SIK3: variants seen among roughly 807,000 people sequenced by gnomAD.
SIK3 encodes the protein SIK family kinase 3.
SIK3 carries 28 observed loss-of-function variants against 144.2 expected under a neutral mutation model. The observed-to-expected ratio is 0.19, with a 90% confidence interval of 0.14 to 0.27. SIK3 has a LOEUF of 0.27. SIK3 is among the 10% of genes least tolerant of loss of function. SIK3 has a pLI of 1.00. For synonymous variants in SIK3, 686 were observed against 676.3 expected, an observed-to-expected ratio of 1.01 and a Z score of -0.22; for missense variants, 1,319 against 1,776.0, an observed-to-expected ratio of 0.74 and a Z score of 4.62.
At chr11:116,934,988 G>A (rs1012847427) in intron 3 of SIK3, among the ~76,000 whole-genome samples, 1 of 152,220 alleles carries the variant, frequency 6.6e-6, no homozygotes, top group Non-Finnish European at 1.5e-5. Context: ...GGGAGGCTGA[G>A]GCAGGAGAAT....
Position 116,844,739 on chromosome 11 carries a change from C to G in SIK3, c.*904G>C, listed in dbSNP as rs1177190788. The G allele has an allele frequency of 1.4e-5, 2 of 145,258 alleles. No individual in the cohort carries two copies. The highest frequency in any genetic ancestry group is 5.0e-5 in the African/African-American group (2 of 39,678). 9.0% of individuals were successfully genotyped at this position (145,258 alleles called of 1,614,324 possible). A position where few individuals can be genotyped will look rare whatever the true frequency, so the allele number is the denominator to read the frequency against. ...TGGAGAAACAATCCTTTTTATAGCA[C>G]AATATAAAATGAGAATGAAAGATGC... is the stretch of plus-strand genomic sequence containing the variant. On this transcript the variant is annotated 3_prime_UTR_variant, in exon 25 of 25. Transcript: ENST00000445177.
intron 6 of SIK3, 31 bp downstream of exon 6, chr11:116,896,222 A>C (rs201410873): frequency 4.9e-5 from 79 of 1,611,566 alleles, no homozygotes; most frequent in Non-Finnish European, 1.1e-5. Context: ...TCATGAACCC[A>C]TTCATAGCTG....
At position 117,098,348 on chromosome 11, in the gene SIK3, G is replaced by A. The variant is rs1255224070; in HGVS notation, c.68C>T (p.Ala23Val). 4.3e-6 allele frequency: 5 copies of A among 1,151,120 alleles called. No individual in the cohort carries two copies. Among genetic ancestry groups the A allele is most frequent in the South Asian group, 4.2e-5 (1 of 23,902 alleles). The allele number at this position is 1,151,120 out of a possible 1,614,324, so 71.3% of individuals were successfully genotyped here. A position where few individuals can be genotyped will look rare whatever the true frequency, so the allele number is the denominator to read the frequency against. Residue 23 changes from alanine (A) to valine (V), a missense_variant, in exon 1 of 25, where the codon GCG becomes GTG. Around this residue, in one of 8 missense-constraint regions of SIK3, gnomAD observed 114 missense variants for 116.2 expected, o/e 0.98. Coordinates refer to ENST00000445177, the MANE Select transcript of SIK3 (RefSeq NM_001366686.3). The part of the protein sequence containing the change: ...AGAGTGGAGP[A>V]GRLLPPPAPG... ...CGCGGGCGGAGGCAGCAGGCGGCCC[G>A]CGGGCCCGGCTCCCCCAGTCCCGGC...
At chr11:117,016,251 A>C (rs1193695211) in intron 1 of SIK3, among the ~76,000 whole-genome samples, 1 of 149,880 alleles carries the variant, frequency 6.7e-6, no homozygotes, top group Non-Finnish European at 1.5e-5. Flanking sequence ...GCTCGAACCC[A>C]GGAGGCGGCC....
At chr11:116,848,192 A>G (rs1288853424) in intron 22 of SIK3, among the ~76,000 whole-genome samples, 5 of 77,296 alleles carry the variant, frequency 6.5e-5, no homozygotes, top group Non-Finnish European at 1.5e-4. Context: ...ATTTAGCTCT[A>G]CTAAAAATAC....
chr11:116,913,854 C>T (rs536432361), intron 4 of SIK3, among the ~76,000 whole-genome samples: 6 of 152,182 alleles, frequency 3.9e-5, no homozygotes, highest in African/African-American at 1.4e-4. Flanking sequence ...CGGGCCACTG[C>T]ACTCCAGCCT....
intron 3 of SIK3, among the ~76,000 whole-genome samples, chr11:116,932,075 T>C (rs954681434): frequency 1.3e-5 from 2 of 152,166 alleles, no homozygotes; most frequent in African/African-American, 4.8e-5. Flanking sequence ...ACACCCTGCA[T>C]CCTATCCATC....
chr11:116,890,497 C>T (rs921839637), intron 6 of SIK3, among the ~76,000 whole-genome samples: 1 of 152,148 alleles, frequency 6.6e-6, no homozygotes, highest in Non-Finnish European at 1.5e-5. Context: ...TTACTAAGTC[C>T]TACTACACAC....
At chr11:117,023,878 T>G (rs1316121468) in intron 1 of SIK3, among the ~76,000 whole-genome samples, 1 of 151,822 alleles carries the variant, frequency 6.6e-6, no homozygotes, top group Non-Finnish European at 1.5e-5. Flanking sequence ...GGGGTCTTGC[T>G]ATGTTGGCCA....
At chr11:116,996,469 T>C (rs1173480886) in intron 1 of SIK3, among the ~76,000 whole-genome samples, 1 of 152,124 alleles carries the variant, frequency 6.6e-6, no homozygotes, top group Non-Finnish European at 1.5e-5. Context: ...ATAATTTATA[T>C]AAACTTGCTC....
At chr11:116,978,887 T>C (rs1332222623) in intron 1 of SIK3, among the ~76,000 whole-genome samples, 1 of 152,226 alleles carries the variant, frequency 6.6e-6, no homozygotes, top group African/African-American at 2.4e-5. Context: ...GTAGTGGCAC[T>C]TAAATTCCTT....
At chr11:117,028,631 T>C (rs1239736092) in intron 1 of SIK3, among the ~76,000 whole-genome samples, 1 of 151,090 alleles carries the variant, frequency 6.6e-6, no homozygotes, top group Non-Finnish European at 1.5e-5. Flanking sequence ...AAGAAGCATG[T>C]CAAGGAAAAA....
chr11:116,902,359 G>A (rs543100718), intron 4 of SIK3, among the ~76,000 whole-genome samples: 4 of 152,310 alleles, frequency 2.6e-5, no homozygotes, highest in African/African-American at 9.6e-5. Context: ...ACCTAATAGT[G>A]TGAGCTTGTT....
At chr11:117,094,205 A>G (rs1036819709) in intron 1 of SIK3, among the ~76,000 whole-genome samples, 1 of 152,156 alleles carries the variant, frequency 6.6e-6, no homozygotes, top group Non-Finnish European at 1.5e-5. Context: ...CAAAGCTGGA[A>G]CTCTTACCAC....
chr11:117,023,623 T>TAC (rs1951888640), intron 1 of SIK3, among the ~76,000 whole-genome samples: 1 of 80,438 alleles, frequency 1.2e-5, no homozygotes, highest in Non-Finnish European at 2.3e-5. Flanking sequence ...AAAAAAAAAA[T>TAC]ATATATATAT....
intron 21 of SIK3, among the ~76,000 whole-genome samples, chr11:116,854,749 C>G (rs771863350): frequency 2.0e-5 from 3 of 152,082 alleles, no homozygotes; most frequent in Non-Finnish European, 4.4e-5. Flanking sequence ...AGCAAATTAT[C>G]TGATGATTTT....
chr11:117,028,440 T>G (rs1221316459), intron 1 of SIK3, among the ~76,000 whole-genome samples: 1 of 151,986 alleles, frequency 6.6e-6, no homozygotes. Flanking sequence ...AGGGACAGCT[T>G]AACAACAACA....
chr11:117,074,607 T>C (rs150361396), intron 1 of SIK3, among the ~76,000 whole-genome samples: 35 of 152,314 alleles, frequency 2.3e-4, no homozygotes, highest in Non-Finnish European at 4.1e-4. Flanking sequence ...TCCTCTAGCA[T>C]TGTTTTATTA....
rs77400241 is a variant in SIK3 at position 117,073,331 on chromosome 11, C to T, written c.273+24812G>A. 5.8e-4 allele frequency among the ~76,000 whole-genome samples: 88 copies of T among 152,268 alleles called. No individual in the cohort carries two copies. In the East Asian group the frequency reaches 0.016, roughly 27 times the overall value. ...AACAGACAAGTTGTCTGGTTACATGCTAACACTCATCCATACTCATACTTT... is the reference window on the plus strand; with the variant it reads ...AACAGACAAGTTGTCTGGTTACATGTTAACACTCATCCATACTCATACTTT... On this transcript the variant is annotated intron_variant, in intron 1 of 24. Transcript: ENST00000445177.
Sources: allele counts gnomAD v4.1 joint callset (sites outside exome capture counted in the v4.1 genomes callset), GRCh38; gene constraint gnomAD v4.1.1; regional missense constraint gnomAD v4.1.1; transcripts MANE v1.5; gene names NCBI Gene and HGNC (gene_info 2026-07-23, HGNC 2026-07-21).